The following CALD1 variants were observed in gnomAD, a reference collection of about 807,000 sequenced individuals.
CALD1 encodes the protein caldesmon.
In CALD1, 33 loss-of-function variants were observed where a neutral mutation model predicts 99.9. The observed-to-expected ratio is 0.33, with a 90% CI of 0.25 to 0.44. The LOEUF (loss-of-function observed/expected upper bound fraction) is 0.44, where lower values mean the gene tolerates loss of function less well. Among genes scored for constraint, CALD1 ranks in the 20% least tolerant of loss-of-function variants. CALD1 has a pLI of 1.00. For synonymous variants in CALD1, 310 were observed against 325.0 expected, an observed-to-expected ratio of 0.95 and a Z score of 0.50; for missense variants, 861 against 962.1, an observed-to-expected ratio of 0.89 and a Z score of 1.39.
chr7:134,830,643 A>G (rs1490377664), intron 1 of CALD1, among the ~76,000 whole-genome samples: 3 of 152,056 alleles, frequency 2.0e-5, no homozygotes, highest in Admixed American at 6.6e-5. Context: ...ACTCCCACTT[A>G]TAAGTGAGAA....
intron 2 of CALD1, among the ~76,000 whole-genome samples, chr7:134,849,556 T>C (rs1319902104): frequency 1.3e-5 from 2 of 152,264 alleles, no homozygotes; most frequent in Non-Finnish European, 2.9e-5. Flanking sequence ...ACTGTTATAC[T>C]GTATTTCCTA....
chr7:134,736,556 T>G, the CALD1 span, among the ~76,000 whole-genome samples: 1 of 152,174 alleles, frequency 6.6e-6, no homozygotes, highest in Non-Finnish European at 1.5e-5. Context: ...AAAATGAGTC[T>G]CATTCTCTCT....
rs574447110 is a variant in CALD1 at position 134,749,600 on chromosome 7, C to A, written c.-130+5237C>A. 2.0e-5 allele frequency among the ~76,000 whole-genome samples: 3 copies of A among 152,002 alleles called. No individual in the cohort carries two copies. In the East Asian group the frequency reaches 5.8e-4, roughly 29 times the overall value. On this transcript the variant is annotated intron_variant, in intron 1 of 13. Transcript: ENST00000417172. ...TACACTCCAGCCTGAGCAAAAAGAG[C>A]GAAAAAAAGCAAGGCCAGAAGAGTG...
chr7:134,756,884 C>T (rs1410151364), intron 1 of CALD1, among the ~76,000 whole-genome samples: 2 of 152,134 alleles, frequency 1.3e-5, no homozygotes, highest in East Asian at 1.9e-4. Flanking sequence ...CACAGTTTGA[C>T]AAATAGTAGT....
At chr7:134,946,054 C>A (rs1806840372) in intron 7 of CALD1, among the ~76,000 whole-genome samples, 1 of 152,104 alleles carries the variant, frequency 6.6e-6, no homozygotes, top group African/African-American at 2.4e-5. Context: ...CCCAAGTTAA[C>A]CAGTAACTTA....
intron 3 of CALD1, among the ~76,000 whole-genome samples, chr7:134,874,629 A>G (rs13247106): frequency 0.25 from 37,596 of 152,162 alleles, 6,122 homozygotes; most frequent in East Asian, 0.66. Context: ...TGCACCCAAC[A>G]TGAGTTCCTC....
intron 3 of CALD1, among the ~76,000 whole-genome samples, chr7:134,896,880 G>A (rs774953608): frequency 2.0e-5 from 3 of 152,156 alleles, no homozygotes; most frequent in East Asian, 1.9e-4. Context: ...GTGAGGATCC[G>A]TTTCCCTATA....
At chr7:134,868,269 C>T (rs554441241) in intron 3 of CALD1, 1 of 157,514 alleles carries the variant, frequency 6.3e-6, no homozygotes, top group South Asian at 1.9e-4. Context: ...AAGTATCCAA[C>T]TCTAGGGATC....
At chr7:134,751,057 A>G (rs1562988598) in intron 1 of CALD1, among the ~76,000 whole-genome samples, 2 of 152,200 alleles carry the variant, frequency 1.3e-5, no homozygotes, top group Non-Finnish European at 2.9e-5. Flanking sequence ...TGGTTCACTT[A>G]CAATGCACAC....
chr7:134,864,486 C>T (rs543158859), intron 2 of CALD1, among the ~76,000 whole-genome samples: 1 of 151,812 alleles, frequency 6.6e-6, no homozygotes, highest in South Asian at 2.1e-4. Flanking sequence ...GCAACCTCCA[C>T]CTCACGAGTT....
At chr7:134,920,656 G>C (rs1458230235) in intron 3 of CALD1, 1 of 1,289,342 alleles carries the variant, frequency 7.8e-7, no homozygotes, top group Admixed American at 2.3e-5. Flanking sequence ...TATGAAAGTG[G>C]ACAGACAGTG....
chr7:134,830,781 C>T (rs965876340), intron 1 of CALD1, among the ~76,000 whole-genome samples: 7 of 152,192 alleles, frequency 4.6e-5, no homozygotes, highest in Admixed American at 3.9e-4. Flanking sequence ...TTTTTTGGTG[C>T]TTCTATAATC....
chr7:134,933,927 G>T lies in CALD1; in HGVS notation c.1158G>T (p.Gln386His). Residue 386 changes from glutamine to histidine, a missense_variant, in exon 5 of 15, where the codon CAG (glutamine) becomes CAT (histidine). Around this residue, in one of 5 missense-constraint regions of CALD1, gnomAD observed 293 missense variants for 262.7 expected, o/e 1.12. Coordinates refer to ENST00000361675, the MANE Select transcript of CALD1 (RefSeq NM_033138.4). ...AAGAGAAGGCTAAGGTAGAAGAGCA[G>T]AAACGTAACAAGCAGCTAGAAGAGA... ...EEEEKAKVEEQKRNKQLEEKK... is the reference protein window; with the variant it reads ...EEEEKAKVEEHKRNKQLEEKK... The T allele has an allele frequency of 6.2e-7, 1 of 1,613,976 alleles. No individual in the cohort carries two copies. Among genetic ancestry groups the T allele is most frequent in the Non-Finnish European group, 8.5e-7 (1 of 1,179,932 alleles).
chr7:134,743,829 T>G (rs1006075853), upstream of CALD1, among the ~76,000 whole-genome samples: 7 of 152,220 alleles, frequency 4.6e-5, no homozygotes, highest in Non-Finnish European at 1.0e-4. Context: ...TAAATCTAGT[T>G]TATTTGCACA....
At chr7:134,851,383 C>G (rs922713514) in intron 2 of CALD1, among the ~76,000 whole-genome samples, 10 of 152,118 alleles carry the variant, frequency 6.6e-5, no homozygotes, top group African/African-American at 2.2e-4. Flanking sequence ...TACCTGCAAA[C>G]AGTGTTCCGG....
chr7:134,846,121 A>T (rs1799841522), intron 2 of CALD1, among the ~76,000 whole-genome samples: 1 of 152,168 alleles, frequency 6.6e-6, no homozygotes, highest in South Asian at 2.1e-4. Context: ...ATCAGAGCTG[A>T]TCAGAATGGA....
Position 134,958,198 on chromosome 7 carries a change from T to A in CALD1, c.1980-11T>A. The A allele has an allele frequency of 6.2e-7, 1 of 1,613,694 alleles. No homozygotes were observed. Among genetic ancestry groups the A allele is most frequent in the Non-Finnish European group, 8.5e-7 (1 of 1,179,648 alleles). On this transcript the variant is annotated splice_polypyrimidine_tract_variant and intron_variant, in intron 10 of 14. Transcript: ENST00000361675. ...TCTCATATTTTTATATGTATGTGTT[T>A]ACTTTTTTAGCAGTGGTGTCAAATC...
At chr7:134,922,813 G>A (rs1038180065) in intron 3 of CALD1, among the ~76,000 whole-genome samples, 6 of 152,162 alleles carry the variant, frequency 3.9e-5, no homozygotes, top group Non-Finnish European at 8.8e-5. Flanking sequence ...ACTAAAACAT[G>A]GTTATCTTGT....
intron 1 of CALD1, among the ~76,000 whole-genome samples, chr7:134,835,970 C>T (rs1317362135): frequency 6.6e-6 from 1 of 151,806 alleles, no homozygotes; most frequent in African/African-American, 2.4e-5. Flanking sequence ...CATGGTGAAA[C>T]CCCGTCTCTA....
Sources: allele counts gnomAD v4.1 joint callset (sites outside exome capture counted in the v4.1 genomes callset), GRCh38; gene constraint gnomAD v4.1.1; regional missense constraint gnomAD v4.1.1; transcripts MANE v1.5; gene names NCBI Gene and HGNC (gene_info 2026-07-23, HGNC 2026-07-21).